Variants in GPATCH2L observed in about 807,000 individuals in gnomAD.
GPATCH2L encodes G patch domain-containing protein 2-like.
Under a neutral mutation model 57.4 loss-of-function variants are expected in GPATCH2L, and 31 were observed. The observed-to-expected ratio is 0.54, with a 90% confidence interval of 0.41 to 0.73. GPATCH2L has a LOEUF of 0.73. Ranked by LOEUF, GPATCH2L falls within the 30% of genes least tolerant of loss-of-function variation. GPATCH2L has a pLI of 0.00. For missense variants in GPATCH2L, 481 were observed against 599.9 expected (o/e 0.80, Z 2.07); for synonymous variants, 199 against 210.7 (o/e 0.94, Z 0.48).
intron 2 of GPATCH2L, among the ~76,000 whole-genome samples, chr14:76,232,559 G>A (rs531554010): frequency 1.5e-4 from 23 of 152,304 alleles, no homozygotes; most frequent in Non-Finnish European, 2.4e-4. Context: ...GTCCGGGGGC[G>A]TTCCAAAAAC....
chr14:76,217,247 A>G (rs1188899449), downstream of GPATCH2L, among the ~76,000 whole-genome samples: 1 of 152,222 alleles, frequency 6.6e-6, no homozygotes, highest in Admixed American at 6.5e-5. Context: ...GTGTTCAATA[A>G]CAAAAGAGGA....
chr14:76,187,190 G>A (rs1440227250), intron 8 of GPATCH2L, among the ~76,000 whole-genome samples: 1 of 151,424 alleles, frequency 6.6e-6, no homozygotes, highest in Non-Finnish European at 1.5e-5. Flanking sequence ...TTTAATCTAG[G>A]GATTAAATCT....
chr14:76,184,069 G>A (rs1045809507), intron 8 of GPATCH2L, among the ~76,000 whole-genome samples: 2 of 151,018 alleles, frequency 1.3e-5, no homozygotes, highest in South Asian at 2.1e-4. Flanking sequence ...TGTGTGTGGC[G>A]ACAATGTTAT....
chr14:76,233,025 T>C (rs1248857367), intron 2 of GPATCH2L, among the ~76,000 whole-genome samples: 1 of 152,174 alleles, frequency 6.6e-6, no homozygotes, highest in African/African-American at 2.4e-5. Context: ...CATCCCAAGG[T>C]CCAAAAGCTC....
intron 3 of GPATCH2L, 21 bp from the exon 4 acceptor site, chr14:76,171,822 G>C (rs755523886): frequency 1.4e-6 from 2 of 1,471,446 alleles, no homozygotes; most frequent in Non-Finnish European, 9.2e-7. Context: ...TCTAGCTTAT[G>C]ATATGATGTC....
At chr14:76,165,318 C>A (rs1160456930) in intron 2 of GPATCH2L, among the ~76,000 whole-genome samples, 1 of 151,758 alleles carries the variant, frequency 6.6e-6, no homozygotes, top group Non-Finnish European at 1.5e-5. Flanking sequence ...ATGGTGAAAC[C>A]CTGTTTCTAC....
chr14:76,226,279 G>A (rs2040535972), intron 1 of GPATCH2L, among the ~76,000 whole-genome samples: 2 of 152,084 alleles, frequency 1.3e-5, no homozygotes, highest in African/African-American at 4.8e-5. Flanking sequence ...CAGAAATGAG[G>A]ATTAACAAAC....
intron 9 of GPATCH2L, among the ~76,000 whole-genome samples, chr14:76,199,391 A>G (rs959162674): frequency 3.9e-5 from 6 of 152,100 alleles, no homozygotes; most frequent in African/African-American, 1.4e-4. Flanking sequence ...GTCATATTTT[A>G]TGTTGCAGCT....
downstream of GPATCH2L, among the ~76,000 whole-genome samples, chr14:76,218,403 T>C (rs995313471): frequency 2.0e-5 from 3 of 151,968 alleles, no homozygotes; most frequent in Non-Finnish European, 1.5e-5. Flanking sequence ...AATTTCAAGC[T>C]CTAAGGGAAG....
Position 76,232,574 on chromosome 14 carries a change from C to T in GPATCH2L, c.*117+2621C>T, listed in dbSNP as rs78257812. ...GTCCGGGGGCGTTCCAAAAACCATT[C>T]TGGGGTTTGATAATTCACTAGAAAG... On this transcript the variant is annotated intron_variant and NMD_transcript_variant, in intron 2 of 3. Transcript: ENST00000556372. Among the ~76,000 whole-genome samples, 605 of 152,294 alleles carry T rather than the reference C, an allele frequency of 4.0e-3. 13 individuals carry two copies. In the South Asian group the frequency reaches 0.056, roughly 14 times the overall value.
chr14:76,152,295 G>A (rs576383536), intron 1 of GPATCH2L, among the ~76,000 whole-genome samples: 21 of 152,296 alleles, frequency 1.4e-4, no homozygotes, highest in Admixed American at 1.2e-3. Flanking sequence ...GGGACGGGCC[G>A]GGGCGTGGTG....
At chr14:76,235,221 A>G (rs1366490194) in intron 2 of GPATCH2L, among the ~76,000 whole-genome samples, 1 of 152,096 alleles carries the variant, frequency 6.6e-6, no homozygotes, top group African/African-American at 2.4e-5. Context: ...CATTCACCAA[A>G]CTATATTGAA....
At position 76,211,524 on chromosome 14, in the gene GPATCH2L, A is replaced by C. The variant is rs2040440154; in HGVS notation, c.*9673A>C. On this transcript the variant is annotated 3_prime_UTR_variant, in exon 10 of 10. Coordinates refer to ENST00000261530, the MANE Select transcript of GPATCH2L (RefSeq NM_017926.4). ...CCATTACATGTTCTAGCATGATACC[A>C]GTCTGAGGTTATTCCCCTTGAACCA... is the stretch of plus-strand genomic sequence containing the variant. The C allele has an allele frequency of 6.6e-6, 1 of 152,232 alleles. No homozygotes were observed. The allele number at this position is 152,232 out of a possible 1,614,324, so 9.4% of individuals were successfully genotyped here.
At chr14:76,187,141 C>T (rs1174294783) in intron 8 of GPATCH2L, among the ~76,000 whole-genome samples, 1 of 151,548 alleles carries the variant, frequency 6.6e-6, no homozygotes, top group Non-Finnish European at 1.5e-5. Context: ...TGTCAGTAAA[C>T]CTTAAAGGTA....
At chr14:76,180,407 G>A (rs1040439428) in intron 7 of GPATCH2L, among the ~76,000 whole-genome samples, 5 of 152,172 alleles carry the variant, frequency 3.3e-5, no homozygotes, top group African/African-American at 1.2e-4. Flanking sequence ...GTAATTTCAT[G>A]CTAATCTTCT....
chr14:76,228,552 A>C (rs2040546503), intron 1 of GPATCH2L, among the ~76,000 whole-genome samples: 1 of 152,216 alleles, frequency 6.6e-6, no homozygotes, highest in African/African-American at 2.4e-5. Flanking sequence ...AAGTCAGACA[A>C]GGGTTTCTTC....
At position 76,205,890 on chromosome 14, in the gene GPATCH2L, C is replaced by G. The variant is rs958699561; in HGVS notation, c.*4039C>G. 3.9e-5 allele frequency: 6 copies of G among 152,300 alleles called. No homozygotes were observed. Among genetic ancestry groups the G allele is most frequent in the African/African-American group, 1.4e-4 (6 of 41,436 alleles). The allele number at this position is 152,300 out of a possible 1,614,324, so 9.4% of individuals were successfully genotyped here. A position where few individuals can be genotyped will look rare whatever the true frequency, so the allele number is the denominator to read the frequency against. On this transcript the variant is annotated 3_prime_UTR_variant, in exon 10 of 10. Transcript: ENST00000261530. ...ATTCTGAGCCACACAGGTTTTTCCC[C>G]CTGGGGAGAAGACTATGTAAAAATC... is the stretch of plus-strand genomic sequence containing the variant.
In GPATCH2L at chr14:76,154,699, T is replaced by C. The variant is rs750514028; in HGVS notation, c.336T>C (p.His112=). The change falls in exon 2 of 10, where the codon CAT becomes CAC. Residue 112 remains histidine, a synonymous_variant. Coordinates refer to ENST00000261530, the MANE Select transcript of GPATCH2L (RefSeq NM_017926.4). The surrounding 1 kb of genome is among the most constrained non-coding windows in gnomAD (Gnocchi z 4.4). ...TCAAGAGTAAGCAACATTCTTGGCA[T>C]GAATCTGACTCCTTTACTGAAAATG... The part of the protein sequence containing the change: ...AIVKSKQHSW[H]ESDSFTENAP... 1.2e-6 allele frequency: 2 copies of C among 1,614,220 alleles called. No homozygotes were observed. Among genetic ancestry groups the C allele is most frequent in the Non-Finnish European group, 1.7e-6 (2 of 1,180,028 alleles).
Position 76,214,055 on chromosome 14 carries a change from T to A in GPATCH2L, c.*12204T>A, listed in dbSNP as rs2040469943. ...CCCCTTATAATTTTTCCTATTGTGC[T>A]TCTGGCTATTCATACATGTTTGTTT... On this transcript the variant is annotated 3_prime_UTR_variant, in exon 10 of 10. Coordinates refer to ENST00000261530, the MANE Select transcript of GPATCH2L (RefSeq NM_017926.4). 1 of 152,240 alleles carries A rather than the reference T, an allele frequency of 6.6e-6. No homozygotes were observed. Among genetic ancestry groups the A allele is most frequent in the African/African-American group, 2.4e-5 (1 of 41,468 alleles). 9.4% of individuals were successfully genotyped at this position (152,240 alleles called of 1,614,324 possible).
Sources: gnomAD v4.1 joint callset for allele counts (sites outside exome capture counted in the v4.1 genomes callset) on GRCh38, gnomAD v4.1.1 for gene constraint, Gnocchi (gnomAD v3.1) non-coding constraint, MANE v1.5 for transcripts, NCBI Gene and HGNC (gene_info 2026-07-23, HGNC 2026-07-21) for gene names.